The following TTC8 variants were observed in gnomAD, a reference collection of about 807,000 sequenced individuals.
The protein encoded by TTC8 is tetratricopeptide repeat domain 8, also known as tetratricopeptide repeat protein 8.
Under a neutral mutation model 72.5 loss-of-function variants are expected in TTC8, and 47 were observed. The observed-to-expected ratio is 0.65, with a 90% CI of 0.51 to 0.83. TTC8 has a LOEUF of 0.83. TTC8 is among the 40% of genes least tolerant of loss of function. The pLI is 0.00. For missense variants in TTC8, 611 were observed against 623.2 expected (o/e 0.98, Z 0.21); for synonymous variants, 199 against 221.4 (o/e 0.90, Z 0.90).
intron 10 of TTC8, among the ~76,000 whole-genome samples, chr14:88,863,533 A>G (rs748083911): frequency 7.9e-5 from 12 of 152,216 alleles, no homozygotes; most frequent in Non-Finnish European, 1.5e-4. Flanking sequence ...TTTATCACAC[A>G]ACAAAGACTC....
chr14:88,853,200 A>T lies in TTC8; in HGVS notation c.710+144A>T. On this transcript the variant is annotated intron_variant, in intron 8 of 14. Coordinates refer to ENST00000380656, the MANE Select transcript of TTC8 (RefSeq NM_144596.4). The stretch of plus-strand genomic sequence containing the variant: ...TTACTTGATAAAGCATTTACTTAAC[A>T]ATCACAGGGTAGCAATAAGAATTAA... The T allele has an allele frequency of 4.4e-5, 30 of 680,454 alleles. No individual in the cohort carries two copies. The South Asian group carries it at 4.6e-4, about 10-fold the overall frequency. The allele number at this position is 680,454 out of a possible 1,614,324, so 42.2% of individuals were successfully genotyped here.
At chr14:88,879,194 CAG>C (rs755978010), downstream of TTC8, 1 of 152,130 alleles carries the variant, frequency 6.6e-6, no homozygotes, top group Non-Finnish European at 1.5e-5. Context: ...CACAGTGGCT[CAG>C]GGCAGAATGA....
At chr14:88,861,071 T>C in intron 9 of TTC8, 151 bp from the exon 10 acceptor site, 1 of 592,716 alleles carries the variant, frequency 1.7e-6, no homozygotes, top group Non-Finnish European at 2.9e-6. Context: ...CCCAAAATGC[T>C]GGGAATACAG....
intron 10 of TTC8, among the ~76,000 whole-genome samples, chr14:88,865,115 T>C (rs1362349615): frequency 2.0e-5 from 3 of 152,242 alleles, no homozygotes; most frequent in Admixed American, 2.0e-4. Flanking sequence ...AGGTATTTTG[T>C]TTATTCATTT....
chr14:88,870,043 T>C lies in TTC8; in HGVS notation c.910-16T>C. The C allele has an allele frequency of 6.2e-7, 1 of 1,613,550 alleles. No homozygotes were observed. The stretch of plus-strand genomic sequence containing the variant: ...ATATTAATAAAATATTGCTCTTCTC[T>C]CTTGATGGAGAATAGGAAATGAACA... On this transcript the variant is annotated splice_polypyrimidine_tract_variant and intron_variant, in intron 10 of 14. Coordinates refer to ENST00000380656, the MANE Select transcript of TTC8 (RefSeq NM_144596.4).
chr14:88,825,979 T>A (rs1366971451), intron 1 of TTC8, among the ~76,000 whole-genome samples: 2 of 151,426 alleles, frequency 1.3e-5, no homozygotes, highest in African/African-American at 4.9e-5. Context: ...TAAATTTTTT[T>A]TATTTTTTTT....
chr14:88,873,879 G>A (rs896409410), intron 13 of TTC8, among the ~76,000 whole-genome samples: 4 of 152,292 alleles, frequency 2.6e-5, no homozygotes, highest in South Asian at 2.1e-4. Flanking sequence ...CAGACATGGC[G>A]AACAGCATGC....
At chr14:88,846,275 C>T (rs1275004909) in intron 7 of TTC8, among the ~76,000 whole-genome samples, 1 of 151,862 alleles carries the variant, frequency 6.6e-6, no homozygotes, top group Non-Finnish European at 1.5e-5. Flanking sequence ...TGCAGTGAGC[C>T]ATGATCATGC....
intron 5 of TTC8, 89 bp from the exon 6 acceptor site, chr14:88,841,336 T>A: frequency 6.3e-7 from 1 of 1,590,928 alleles, no homozygotes. Flanking sequence ...TTTTTATTTA[T>A]GTTGCCTTTA....
At position 88,839,570 on chromosome 14, in the gene TTC8, C is replaced by T; in HGVS notation, c.263C>T (p.Pro88Leu). 1 of 1,612,902 alleles carries T rather than the reference C, an allele frequency of 6.2e-7. No homozygotes were observed. Among genetic ancestry groups the T allele is most frequent in the South Asian group, 1.1e-5 (1 of 91,056 alleles). Residue 88 changes from proline (P) to leucine (L), a missense_variant and splice_region_variant, in exon 3 of 15, where the codon CCA becomes CTA. Pro to Leu is a moderately conservative substitution (Grantham distance 98, BLOSUM62 -3). Transcript: ENST00000380656. ...MLDENAIAQVPRPGTSLKLPG... is the reference protein window; with the variant it reads ...MLDENAIAQVLRPGTSLKLPG... ...GATGAAAATGCTATAGCTCAAGTTC[C>T]ACGTAAGTATTGGGTTTTCAGTTAA...
intron 9 of TTC8, among the ~76,000 whole-genome samples, chr14:88,858,015 G>A (rs914908971): frequency 9.9e-5 from 15 of 150,776 alleles, no homozygotes; most frequent in Non-Finnish European, 1.9e-4. Context: ...AGGCTGGAGT[G>A]CAGTGGCATG....
At chr14:88,850,145 T>A (rs573454234) in intron 7 of TTC8, among the ~76,000 whole-genome samples, 1 of 152,212 alleles carries the variant, frequency 6.6e-6, no homozygotes, top group Non-Finnish European at 1.5e-5. Flanking sequence ...TGGGAATGAT[T>A]AAAGAAATAT....
At chr14:88,840,980 TGA>T in intron 4 of TTC8, 52 bp downstream of exon 4, 1 of 1,613,780 alleles carries the variant, frequency 6.2e-7, no homozygotes, top group Non-Finnish European at 8.5e-7. Context: ...TCAGACTGTA[TGA>T]GAGTCTTTCC....
rs2094933390 is a variant in TTC8, at chr14:88,871,433, G to C, written c.1050-116G>C. On this transcript the variant is annotated intron_variant, in intron 11 of 14. Coordinates refer to ENST00000380656, the MANE Select transcript of TTC8 (RefSeq NM_144596.4). The surrounding 1 kb of genome is among the most constrained non-coding windows in gnomAD (Gnocchi z 4.1). ...TATAACACGTATTTATATTCTTAAG[G>C]AGTATCAAAAATCACAAGATGAATT... The C allele has an allele frequency of 1.1e-6, 1 of 895,296 alleles. No homozygotes were observed. The highest frequency in any genetic ancestry group is 1.8e-6 in the Non-Finnish European group (1 of 571,200). 55.5% of individuals were successfully genotyped at this position (895,296 alleles called of 1,614,324 possible).
At chr14:88,846,604 C>T in intron 7 of TTC8, 2 of 1,440,676 alleles carry the variant, frequency 1.4e-6, no homozygotes, top group South Asian at 1.3e-5. Flanking sequence ...ATAGATTCAT[C>T]TTGAAGATGT....
intron 2 of TTC8, among the ~76,000 whole-genome samples, chr14:88,836,592 G>C (rs946243968): frequency 1.3e-5 from 2 of 151,658 alleles, no homozygotes; most frequent in African/African-American, 4.8e-5. Flanking sequence ...ATTTTGCTTA[G>C]CCTAATATAA....
chr14:88,861,164 C>G (rs962307548), intron 9 of TTC8, 58 bp from the exon 10 acceptor site: 1 of 1,233,578 alleles, frequency 8.1e-7, no homozygotes, highest in African/African-American at 1.5e-5. Context: ...TTATAAATGT[C>G]ATAACAAATA....
chr14:88,861,441 A>G (rs1205071294), intron 10 of TTC8, 109 bp downstream of exon 10: 1 of 765,020 alleles, frequency 1.3e-6, no homozygotes, highest in Non-Finnish European at 2.2e-6. Context: ...TGATCAAATC[A>G]GGGTAATTGA....
At chr14:88,875,854 A>C (rs1157564338) in intron 14 of TTC8, among the ~76,000 whole-genome samples, 15 of 152,186 alleles carry the variant, frequency 9.9e-5, no homozygotes, top group Admixed American at 9.8e-4. Flanking sequence ...AGCACCTGTA[A>C]GTACCAGCCA....
Sources: gnomAD v4.1 joint callset for allele counts (sites outside exome capture counted in the v4.1 genomes callset) on GRCh38, gnomAD v4.1.1 for gene constraint, Gnocchi (gnomAD v3.1) non-coding constraint, MANE v1.5 for transcripts, NCBI Gene and HGNC (gene_info 2026-07-23, HGNC 2026-07-21) for gene names.